CCSER2: variants seen among roughly 807,000 people sequenced by gnomAD.
CCSER2 encodes serine-rich coiled-coil domain-containing protein 2.
A neutral mutation model predicts 92.3 loss-of-function variants in CCSER2; 46 were observed. That is an observed-to-expected ratio of 0.50 (90% CI 0.39 to 0.64). CCSER2 has a LOEUF of 0.64. Among genes scored for constraint, CCSER2 ranks in the 30% least tolerant of loss-of-function variants. The pLI is 0.00. For missense variants in CCSER2, 1,244 were observed against 1,238.9 expected (o/e 1.00, Z -0.06); for synonymous variants, 433 against 431.4 (o/e 1.00, Z -0.04).
At chr10:84,409,626 A>G (rs1203104852) in intron 3 of CCSER2, among the ~76,000 whole-genome samples, 2 of 151,402 alleles carry the variant, frequency 1.3e-5, no homozygotes, top group African/African-American at 4.9e-5. Flanking sequence ...ACACAGAACT[A>G]TGTTCAAATG....
At chr10:84,510,333 T>C (rs901181714) in intron 9 of CCSER2, among the ~76,000 whole-genome samples, 8 of 152,152 alleles carry the variant, frequency 5.3e-5, no homozygotes, top group African/African-American at 1.2e-4. Context: ...ATGCCTCCTG[T>C]GACCTCTCCA....
chr10:84,485,127 T>A (rs911268579), intron 9 of CCSER2, among the ~76,000 whole-genome samples: 18 of 152,172 alleles, frequency 1.2e-4, no homozygotes, highest in Non-Finnish European at 2.1e-4. Context: ...AATGTGGAGA[T>A]CTTTTTTATT....
intron 5 of CCSER2, among the ~76,000 whole-genome samples, chr10:84,431,521 GCTTGAGTT>G (rs1843762524): frequency 6.6e-6 from 1 of 152,152 alleles, no homozygotes; most frequent in Non-Finnish European, 1.5e-5. Flanking sequence ...CAGGAGGATA[GCTTGAGTT>G]CAGGAGTTCA....
intron 9 of CCSER2, among the ~76,000 whole-genome samples, chr10:84,486,389 A>T (rs2133781483): frequency 6.6e-6 from 1 of 152,324 alleles, no homozygotes; most frequent in Non-Finnish European, 1.5e-5. Context: ...ATTTCTCCAC[A>T]TCCTCTCCAG....
chr10:84,469,405 C>A (rs1326867310), intron 7 of CCSER2, among the ~76,000 whole-genome samples: 1 of 151,858 alleles, frequency 6.6e-6, no homozygotes, highest in African/African-American at 2.4e-5. Context: ...AAAAATCTTC[C>A]ACATTGTTTG....
intron 3 of CCSER2, chr10:84,393,952 G>T (rs1841675361): frequency 6.6e-6 from 1 of 152,150 alleles, no homozygotes; most frequent in South Asian, 2.1e-4. Context: ...GGTATGCTTT[G>T]ACATTGAGTT....
intron 1 of CCSER2, among the ~76,000 whole-genome samples, chr10:84,337,951 C>A (rs547844540): frequency 7.0e-4 from 106 of 152,260 alleles, no homozygotes; most frequent in South Asian, 3.3e-3. Flanking sequence ...CCCGTGGACA[C>A]ATTTAACTTT....
At chr10:84,402,881 C>T (rs983913592) in intron 3 of CCSER2, among the ~76,000 whole-genome samples, 15 of 152,172 alleles carry the variant, frequency 9.9e-5, no homozygotes, top group African/African-American at 3.6e-4. Flanking sequence ...GATGTCACTT[C>T]TTCCTAAATT....
chr10:84,355,782 A>G (rs1845134469), intron 1 of CCSER2, among the ~76,000 whole-genome samples: 1 of 152,152 alleles, frequency 6.6e-6, no homozygotes, highest in African/African-American at 2.4e-5. Context: ...TTTATTTTTC[A>G]GGATCTTGTC....
chr10:84,391,248 T>G, intron 3 of CCSER2: 1 of 1,383,584 alleles, frequency 7.2e-7, no homozygotes, highest in Non-Finnish European at 1.0e-6. Context: ...CAAGCCATGC[T>G]AAACAATGCT....
At chr10:84,512,838 A>G (rs1478152946) in intron 9 of CCSER2, among the ~76,000 whole-genome samples, 1 of 152,226 alleles carries the variant, frequency 6.6e-6, no homozygotes, top group Non-Finnish European at 1.5e-5. Flanking sequence ...GAAACATTTT[A>G]TTTGGAAACT....
rs963559869 is a variant in CCSER2 at position 84,513,605 on chromosome 10, T to A, written c.2482T>A (p.Leu828Met). Residue 828 changes from leucine to methionine, a missense_variant, in exon 10 of 10, where the codon TTG becomes ATG. Physicochemically the swap from Leu to Met is conservative, Grantham distance 15. Coordinates refer to ENST00000372088, the MANE Select transcript of CCSER2 (RefSeq NM_001284240.2). ...TCCGGAAGAAAGCTTTACACACGTC[T>A]TGCACCAAGAAAGCAACTATGGTTT... ...AHPEESFTHV[L>M]HQESNYGLEE... 6.2e-7 allele frequency: 1 copy of A among 1,612,306 alleles called. No individual in the cohort carries two copies. The highest frequency in any genetic ancestry group is 8.5e-7 in the Non-Finnish European group (1 of 1,179,560).
At chr10:84,405,830 CTCAT>C (rs1842348679) in intron 3 of CCSER2, among the ~76,000 whole-genome samples, 1 of 152,166 alleles carries the variant, frequency 6.6e-6, no homozygotes, top group African/African-American at 2.4e-5. Context: ...AACTAGAAGT[CTCAT>C]TCATTGCTGA....
intron 3 of CCSER2, 148 bp downstream of exon 3, chr10:84,373,963 T>C: frequency 1.4e-6 from 2 of 1,436,862 alleles, no homozygotes; most frequent in Non-Finnish European, 1.8e-6. Context: ...CTATAAAATA[T>C]CTGACTCTAA....
intron 1 of CCSER2, among the ~76,000 whole-genome samples, chr10:84,358,051 C>G (rs1381205695): frequency 6.6e-6 from 1 of 152,176 alleles, no homozygotes; most frequent in Non-Finnish European, 1.5e-5. Flanking sequence ...ACACATGCCT[C>G]TTGAGTTGCT....
At chr10:84,376,502 T>C (rs1337774691) in intron 3 of CCSER2, among the ~76,000 whole-genome samples, 17 of 152,152 alleles carry the variant, frequency 1.1e-4, no homozygotes. Flanking sequence ...TATATCTAGC[T>C]TCTTTTCATT....
intron 1 of CCSER2, among the ~76,000 whole-genome samples, chr10:84,358,508 A>G (rs182251292): frequency 2.6e-5 from 4 of 151,988 alleles, no homozygotes; most frequent in Admixed American, 2.6e-4. Flanking sequence ...CTAAATTCAA[A>G]TATATATGTG....
chr10:84,490,144 C>G (rs1295037325), intron 9 of CCSER2, among the ~76,000 whole-genome samples: 2 of 152,064 alleles, frequency 1.3e-5, no homozygotes, highest in Non-Finnish European at 2.9e-5. Context: ...TGTGGGTAAC[C>G]CAGCCTTTCT....
chr10:84,396,346 C>T (rs1841837250), intron 3 of CCSER2, among the ~76,000 whole-genome samples: 1 of 150,250 alleles, frequency 6.7e-6, no homozygotes, highest in South Asian at 2.1e-4. Flanking sequence ...TAACTTACAC[C>T]CTATGAAAAA....
Sources: allele counts gnomAD v4.1 joint callset (sites outside exome capture counted in the v4.1 genomes callset), GRCh38; gene constraint gnomAD v4.1.1; transcripts MANE v1.5; gene names NCBI Gene and HGNC (gene_info 2026-07-23, HGNC 2026-07-21).